The following CYFIP2 variants were observed in gnomAD, a reference collection of about 807,000 sequenced individuals.
The protein encoded by CYFIP2 is cytoplasmic FMR1 interacting protein 2, also known as cytoplasmic FMR1-interacting protein 2.
Under a neutral mutation model 158.7 loss-of-function variants are expected in CYFIP2, and 29 were observed. The observed-to-expected ratio is 0.18, with a 90% CI of 0.14 to 0.25. CYFIP2 has a LOEUF of 0.25. Ranked by LOEUF, CYFIP2 falls within the 10% of genes least tolerant of loss-of-function variation. The pLI is 1.00. For missense variants in CYFIP2, 852 were observed against 1,639.5 expected (o/e 0.52, Z 8.29); for synonymous variants, 585 against 617.6 (o/e 0.95, Z 0.78).
chr5:157,364,204 C>CGGGGGGGGGGGGG (rs926942944), intron 26 of CYFIP2: 1 of 38,304 alleles, frequency 2.6e-5, no homozygotes, highest in Non-Finnish European at 6.0e-5. Flanking sequence ...GGCGGGGTGG[C>CGGGGGGGGGGGGG]GGGGGGGGGT....
chr5:157,333,364 C>A lies in CYFIP2; in HGVS notation c.2303C>A (p.Thr768Asn). 2 of 1,613,968 alleles carry A rather than the reference C, an allele frequency of 1.2e-6. No individual in the cohort carries two copies. Among genetic ancestry groups the A allele is most frequent in the South Asian group, 2.2e-5 (2 of 91,088 alleles). Residue 768 changes from threonine (T) to asparagine (N), a missense_variant, in exon 21 of 31, where the codon ACC (threonine) becomes AAC (asparagine). Coordinates refer to ENST00000620254, the MANE Select transcript of CYFIP2 (RefSeq NM_001037333.3). ...GRSIDLNRLITQRISAAMYKS... is the reference protein window; with the variant it reads ...GRSIDLNRLINQRISAAMYKS... ...TCAATTGACTTGAACAGACTCATTA[C>A]CCAGCGCATCTCTGCCGCCATGTAT...
At chr5:157,319,611 C>T in intron 13 of CYFIP2, 151 bp from the exon 14 acceptor site, 1 of 859,308 alleles carries the variant, frequency 1.2e-6, no homozygotes, top group Non-Finnish European at 1.7e-6. Flanking sequence ...GCACACATCT[C>T]TTACCTAGCC....
chr5:157,305,011 G>A (rs1379984142), intron 8 of CYFIP2, among the ~76,000 whole-genome samples: 1 of 151,820 alleles, frequency 6.6e-6, no homozygotes, highest in Non-Finnish European at 1.5e-5. Context: ...ACAATATTTT[G>A]TTTTTCATTC....
intron 1 of CYFIP2, among the ~76,000 whole-genome samples, chr5:157,275,810 G>T (rs560697208): frequency 4.6e-5 from 7 of 152,238 alleles, no homozygotes; most frequent in African/African-American, 1.7e-4. Flanking sequence ...ATTTATTTAG[G>T]TCTTTAATAT....
At chr5:157,375,105 C>A (rs1017729435) in intron 26 of CYFIP2, among the ~76,000 whole-genome samples, 1 of 152,170 alleles carries the variant, frequency 6.6e-6, no homozygotes, top group African/African-American at 2.4e-5. Flanking sequence ...AATCCTCATG[C>A]CTTTGTCCTA....
rs1759974720 is a variant in CYFIP2 at position 157,314,406 on chromosome 5, C to T, written c.1173C>T (p.Asp391=). The T allele has an allele frequency of 1.2e-6, 2 of 1,613,778 alleles. No homozygotes were observed. Among genetic ancestry groups the T allele is most frequent in the African/African-American group, 1.3e-5 (1 of 74,934 alleles). ...ACGAGGAGTATCGCGAGCTCTTCGA[C>T]CTAGCCCTGCGGGGTCTGCAGCTTC... ...KSDEEYRELF[D]LALRGLQLLS... Residue 391 remains aspartate, a synonymous_variant, in exon 12 of 31, where the codon GAC becomes GAT. Coordinates refer to ENST00000620254, the MANE Select transcript of CYFIP2 (RefSeq NM_001037333.3).
intron 14 of CYFIP2, 114 bp downstream of exon 14, chr5:157,320,042 A>G (rs1760466567): frequency 7.5e-7 from 1 of 1,334,414 alleles, no homozygotes; most frequent in African/African-American, 1.5e-5. Flanking sequence ...AGCAAGCTCC[A>G]GAGGGCTCTT....
chr5:157,339,120 C>G lies in CYFIP2; in HGVS notation c.2449C>G (p.Leu817Val). ...THRLLCKHMTLDSFDAMFREA... is the reference protein window; with the variant it reads ...THRLLCKHMTVDSFDAMFREA... Reference sequence around the variant, plus strand: ...TCGGCTGCTCTGTAAGCATATGACGCTGGACAGCTTCGATGCCATGTTCCG... The same window carrying G: ...TCGGCTGCTCTGTAAGCATATGACGGTGGACAGCTTCGATGCCATGTTCCG... The change falls in exon 22 of 31, where the codon CTG (leucine) becomes GTG (valine). Residue 817 changes from leucine (L) to valine (V), a missense_variant. Transcript: ENST00000620254. 5 of 1,614,010 alleles carry G rather than the reference C, an allele frequency of 3.1e-6. No homozygotes were observed. Among genetic ancestry groups the G allele is most frequent in the Non-Finnish European group, 4.2e-6 (5 of 1,179,890 alleles).
chr5:157,350,332 T>A (rs1040820452), intron 23 of CYFIP2, among the ~76,000 whole-genome samples: 2 of 152,232 alleles, frequency 1.3e-5, no homozygotes, highest in Non-Finnish European at 2.9e-5. Context: ...GTTTCATTCT[T>A]CTACATGTGG....
chr5:157,323,862 CT>C, intron 15 of CYFIP2, 58 bp from the exon 16 acceptor site: 11 of 1,442,036 alleles, frequency 7.6e-6, no homozygotes, highest in Non-Finnish European at 6.4e-6. Flanking sequence ...ATGAAGCAAC[CT>C]TTTTCCCCGG....
rs912746223 is a variant in CYFIP2, at chr5:157,326,115, T to C, written c.1983-56T>C. The C allele has an allele frequency of 7.3e-5, 92 of 1,268,524 alleles. No homozygotes were observed. The African/African-American group carries it at 1.3e-3, about 18-fold the overall frequency. The allele number at this position is 1,268,524 out of a possible 1,614,324, so 78.6% of individuals were successfully genotyped here. On this transcript the variant is annotated intron_variant, in intron 17 of 30. Transcript: ENST00000620254. ...TCTATTTCCCAAGCAAGTATAAAGC[T>C]GTCTTCCTTAAGGGGGGTTATTAGC...
chr5:157,335,897 T>A (rs1410255231), intron 21 of CYFIP2, among the ~76,000 whole-genome samples: 1 of 152,142 alleles, frequency 6.6e-6, no homozygotes, highest in Non-Finnish European at 1.5e-5. Flanking sequence ...TATGTGTGTC[T>A]CCATGGCCTC....
intron 1 of CYFIP2, among the ~76,000 whole-genome samples, chr5:157,273,374 A>G (rs960612552): frequency 6.6e-6 from 1 of 152,132 alleles, no homozygotes; most frequent in Non-Finnish European, 1.5e-5. Flanking sequence ...CTCAGAACCT[A>G]TCACCCCACC....
intron 28 of CYFIP2, chr5:157,384,608 C>T (rs755368993): frequency 3.1e-5 from 13 of 425,390 alleles, no homozygotes; most frequent in Non-Finnish European, 9.7e-6. Flanking sequence ...GCCCGGCCCC[C>T]GCATGCCACC....
intron 28 of CYFIP2, among the ~76,000 whole-genome samples, chr5:157,388,620 A>C (rs1269687447): frequency 6.6e-6 from 1 of 152,252 alleles, no homozygotes; most frequent in Non-Finnish European, 1.5e-5. Context: ...GAATTGTAGT[A>C]TACATTCATT....
At chr5:157,346,520 C>T (rs1029896892) in intron 23 of CYFIP2, among the ~76,000 whole-genome samples, 41 of 152,236 alleles carry the variant, frequency 2.7e-4, no homozygotes, top group African/African-American at 9.6e-4. Context: ...AAGGATGCTG[C>T]CATCAGCCAA....
intron 19 of CYFIP2, among the ~76,000 whole-genome samples, chr5:157,330,010 C>T (rs1263087910): frequency 6.6e-6 from 1 of 152,178 alleles, no homozygotes; most frequent in Non-Finnish European, 1.5e-5. Context: ...GCCATCTTTC[C>T]TTTTCTTAAA....
intron 14 of CYFIP2, among the ~76,000 whole-genome samples, 175 bp downstream of exon 14, chr5:157,320,103 T>C (rs888089313): frequency 6.6e-6 from 1 of 152,208 alleles, no homozygotes; most frequent in African/African-American, 2.4e-5. Flanking sequence ...TAGAAGTCCA[T>C]ATCCACTGCT....
chr5:157,361,148 C>T lies in CYFIP2; in HGVS notation c.2909-320C>T, dbSNP rs1763788419. ...TGACACCTACTAATAAATATTAATT[C>T]CTGTCATGATTAGGAAGTCAGGCAA... On this transcript the variant is annotated intron_variant, in intron 25 of 30. Transcript: ENST00000620254. This position sits in a 1 kb window ranked among gnomAD's most constrained non-coding sequence, Gnocchi z 4.4. Among the ~76,000 whole-genome samples the T allele has an allele frequency of 6.6e-6, 1 of 152,086 alleles. No homozygotes were observed.
Sources: gnomAD v4.1 joint callset for allele counts (sites outside exome capture counted in the v4.1 genomes callset) on GRCh38, gnomAD v4.1.1 for gene constraint, Gnocchi (gnomAD v3.1) non-coding constraint, MANE v1.5 for transcripts, NCBI Gene and HGNC (gene_info 2026-07-23, HGNC 2026-07-21) for gene names.